KIF26B: variants seen among roughly 807,000 people sequenced by gnomAD.
KIF26B encodes kinesin family member 26B.
In KIF26B, 63 loss-of-function variants were observed where a neutral mutation model predicts 151.2. The observed-to-expected ratio is 0.42, with a 90% CI of 0.34 to 0.51. KIF26B has a LOEUF of 0.51. KIF26B is among the 20% of genes least tolerant of loss of function. The probability of loss-of-function intolerance (pLI) is 0.07; values close to 1 mark genes in which losing one functional copy is unlikely to be tolerated. For synonymous variants in KIF26B, 1,357 were observed against 1,262.1 expected (o/e 1.08, Z -1.59); for missense variants, 2,813 against 2,913.6 (o/e 0.97, Z 0.79).
chr1:245,363,000 G>T (rs2103007328), intron 2 of KIF26B, among the ~76,000 whole-genome samples: 1 of 152,254 alleles, frequency 6.6e-6, no homozygotes, highest in Non-Finnish European at 1.5e-5. Context: ...ATCCAGGATG[G>T]ATCAGAGCTA....
At chr1:245,394,864 G>A (rs921849522) in intron 3 of KIF26B, among the ~76,000 whole-genome samples, 2 of 151,706 alleles carry the variant, frequency 1.3e-5, no homozygotes, top group Admixed American at 6.6e-5. Context: ...CTAATTTTTT[G>A]TATTTATAGT....
Position 245,318,410 on chromosome 1 carries a change from G to T in KIF26B, c.466-48424G>T, listed in dbSNP as rs1187741878. ...CAGCACCAACCTGATCATCCTTCTGGGCATGGCCAAATGCCTCCATTTTTC... is the reference window on the plus strand; with the variant it reads ...CAGCACCAACCTGATCATCCTTCTGTGCATGGCCAAATGCCTCCATTTTTC... On this transcript the variant is annotated intron_variant, in intron 2 of 14. Coordinates refer to ENST00000407071, the MANE Select transcript of KIF26B (RefSeq NM_018012.4). The surrounding 1 kb of genome is among the most constrained non-coding windows in gnomAD (Gnocchi z 4.0). 3.3e-5 allele frequency among the ~76,000 whole-genome samples: 5 copies of T among 152,152 alleles called. No individual in the cohort carries two copies. Among genetic ancestry groups the T allele is most frequent in the African/African-American group, 1.2e-4 (5 of 41,422 alleles).
intron 2 of KIF26B, among the ~76,000 whole-genome samples, chr1:245,242,687 T>C (rs938454018): frequency 6.6e-6 from 1 of 152,186 alleles, no homozygotes; most frequent in Non-Finnish European, 1.5e-5. Flanking sequence ...AATCTTGCTC[T>C]GTCGCCCAGG....
intron 10 of KIF26B, among the ~76,000 whole-genome samples, chr1:245,655,428 G>C (rs1240848323): frequency 6.6e-6 from 1 of 152,220 alleles, no homozygotes; most frequent in Non-Finnish European, 1.5e-5. Context: ...TTTTGACCAA[G>C]TAGATAATTA....
intron 9 of KIF26B, among the ~76,000 whole-genome samples, chr1:245,643,484 TATA>T (rs2043914345): frequency 2.0e-5 from 3 of 152,250 alleles, no homozygotes; most frequent in Admixed American, 2.0e-4. Context: ...CTTACAATAG[TATA>T]CTTCCATTTC....
rs75189869 is a variant in KIF26B at position 245,462,409 on chromosome 1, G to A, written c.1166+42664G>A. On this transcript the variant is annotated intron_variant, in intron 4 of 14. Coordinates refer to ENST00000407071, the MANE Select transcript of KIF26B (RefSeq NM_018012.4). ...AGTTCATCTACAATGTGCTAAAGTC[G>A]AGTTTTGCAGTGACTTCCTAGCGCA... is the stretch of plus-strand genomic sequence containing the variant. 8.8e-4 allele frequency among the ~76,000 whole-genome samples: 134 copies of A among 152,300 alleles called. 1 individual carries two copies. The East Asian group carries it at 0.022, about 25-fold the overall frequency.
At chr1:245,583,377 G>C (rs1187451063) in intron 5 of KIF26B, among the ~76,000 whole-genome samples, 1 of 152,118 alleles carries the variant, frequency 6.6e-6, no homozygotes, top group African/African-American at 2.4e-5. Context: ...TTTCACTGGA[G>C]CCTGAAACTT....
intron 3 of KIF26B, among the ~76,000 whole-genome samples, chr1:245,385,450 A>G (rs1172532178): frequency 6.6e-6 from 1 of 152,234 alleles, no homozygotes; most frequent in Non-Finnish European, 1.5e-5. Flanking sequence ...TGCCGTAAAC[A>G]CATCATGCTT....
At position 245,685,874 on chromosome 1, in the gene KIF26B, G is replaced by A. The variant is rs563643984; in HGVS notation, c.2891G>A (p.Arg964Gln). ...CCAGAGCAGGCAAGCAGAGGCCCCC[G>A]GTTAAGCCAAGCAGCGGGGGCAAGC... Reference protein sequence around the residue: ...FGPEQASRGPRLSQAAGASPL... With the variant: ...FGPEQASRGPQLSQAAGASPL... The change falls in exon 12 of 15, where the codon CGG (arginine) becomes CAG (glutamine). Residue 964 changes from arginine (R) to glutamine (Q), a missense_variant. Arg to Gln is a conservative substitution (Grantham distance 43). Around this residue, in one of 3 missense-constraint regions of KIF26B, gnomAD observed 2,060 missense variants for 2,088.6 expected, o/e 0.99. Coordinates refer to ENST00000407071, the MANE Select transcript of KIF26B (RefSeq NM_018012.4). 1.4e-5 allele frequency: 22 copies of A among 1,612,946 alleles called. No individual in the cohort carries two copies. Among genetic ancestry groups the A allele is most frequent in the East Asian group, 4.5e-5 (2 of 44,868 alleles).
chr1:245,556,973 C>T (rs966578658), intron 5 of KIF26B, among the ~76,000 whole-genome samples: 3 of 152,164 alleles, frequency 2.0e-5, no homozygotes, highest in African/African-American at 7.2e-5. Flanking sequence ...ATTAACCCCA[C>T]CTGAGAGTTA....
At chr1:245,385,435 A>T (rs1413177918) in intron 3 of KIF26B, among the ~76,000 whole-genome samples, 1 of 152,222 alleles carries the variant, frequency 6.6e-6, no homozygotes, top group African/African-American at 2.4e-5. Context: ...TACTGAGTGC[A>T]TGGATGCCGT....
chr1:245,562,298 CA>C (rs1027005481), intron 5 of KIF26B, among the ~76,000 whole-genome samples: 5 of 152,068 alleles, frequency 3.3e-5, no homozygotes, highest in Non-Finnish European at 4.4e-5. Context: ...GCAGACTCTT[CA>C]AAAAAACATA....
At chr1:245,446,327 C>T (rs1338986980) in intron 4 of KIF26B, among the ~76,000 whole-genome samples, 2 of 152,188 alleles carry the variant, frequency 1.3e-5, no homozygotes, top group African/African-American at 4.8e-5. Flanking sequence ...AAACGTTGTT[C>T]TGTGACGCAT....
chr1:245,425,606 C>T (rs562517994), intron 4 of KIF26B, among the ~76,000 whole-genome samples: 10 of 152,232 alleles, frequency 6.6e-5, no homozygotes, highest in Admixed American at 5.2e-4. Flanking sequence ...GGGGTTTCAC[C>T]GTGTTGGCCA....
chr1:245,342,860 C>A (rs1672362754), intron 2 of KIF26B, among the ~76,000 whole-genome samples: 1 of 152,032 alleles, frequency 6.6e-6, no homozygotes, highest in African/African-American at 2.4e-5. Context: ...GCTAAGGTGG[C>A]AGATCGCCTG....
Position 245,704,216 on chromosome 1 carries a change from T to G in KIF26B, c.*1610T>G, listed in dbSNP as rs1168648336. ...AGCACGCTTCCCTTTTGCCCTCAAA[T>G]GCAGCATATCTTCATGAGCCTATTT... On this transcript the variant is annotated 3_prime_UTR_variant, in exon 15 of 15. Coordinates refer to ENST00000407071, the MANE Select transcript of KIF26B (RefSeq NM_018012.4). 1 of 152,270 alleles carries G rather than the reference T, an allele frequency of 6.6e-6. No individual in the cohort carries two copies. Among genetic ancestry groups the G allele is most frequent in the African/African-American group, 2.4e-5 (1 of 41,456 alleles). 9.4% of individuals were successfully genotyped at this position (152,270 alleles called of 1,614,324 possible).
chr1:245,406,138 G>A (rs569529474), intron 3 of KIF26B, among the ~76,000 whole-genome samples: 44 of 152,266 alleles, frequency 2.9e-4, no homozygotes, highest in Non-Finnish European at 5.3e-4. Context: ...ACGTTCAGCC[G>A]CATGGCCCTC....
Position 245,184,563 on chromosome 1 carries a change from A to T in KIF26B, c.465+27880A>T, listed in dbSNP as rs569926732. Among the ~76,000 whole-genome samples, 20 of 152,352 alleles carry T rather than the reference A, an allele frequency of 1.3e-4. No individual in the cohort carries two copies. In the South Asian group the frequency reaches 3.9e-3, roughly 30 times the overall value. On this transcript the variant is annotated intron_variant, in intron 2 of 14. Transcript: ENST00000407071. Reference sequence around the variant, plus strand: ...TTTAAAATCTTGGGGGAAAGTATTGAAAATCAAATGTACTCATCTGTCCTG... The same window carrying T: ...TTTAAAATCTTGGGGGAAAGTATTGTAAATCAAATGTACTCATCTGTCCTG...
chr1:245,176,788 C>T (rs569029547), intron 2 of KIF26B, among the ~76,000 whole-genome samples: 11 of 152,282 alleles, frequency 7.2e-5, no homozygotes, highest in African/African-American at 2.4e-4. Flanking sequence ...CGACTTTTAA[C>T]GGTCATGTTT....
Sources: allele counts gnomAD v4.1 joint callset (sites outside exome capture counted in the v4.1 genomes callset), GRCh38; gene constraint gnomAD v4.1.1; regional missense constraint gnomAD v4.1.1; non-coding constraint Gnocchi (gnomAD v3.1); transcripts MANE v1.5; gene names NCBI Gene and HGNC (gene_info 2026-07-23, HGNC 2026-07-21).